The following GALNT17 variants were observed in gnomAD, a reference collection of about 807,000 sequenced individuals.
The protein encoded by GALNT17 is polypeptide N-acetylgalactosaminyltransferase 17, also known as UDP-GalNAc:polypeptide N-acetylgalactosaminyltransferase-like 3.
A neutral mutation model predicts 63.7 loss-of-function variants in GALNT17; 29 were observed. The ratio of observed to expected loss-of-function variants is 0.46; its 90% confidence interval spans 0.34 to 0.62. GALNT17 has a LOEUF of 0.62. GALNT17 is among the 20% of genes least tolerant of loss of function. GALNT17 has a pLI of 0.01. For synonymous variants in GALNT17, 305 were observed against 318.3 expected, an observed-to-expected ratio of 0.96 and a Z score of 0.45; for missense variants, 603 against 799.6, an observed-to-expected ratio of 0.75 and a Z score of 2.97.
intron 1 of GALNT17, among the ~76,000 whole-genome samples, chr7:71,191,102 G>A (rs1169207564): frequency 6.6e-6 from 1 of 152,144 alleles, no homozygotes; most frequent in Non-Finnish European, 1.5e-5. Flanking sequence ...CAGACCTTAA[G>A]TGTAGTTTGA....
At chr7:71,234,883 T>G (rs1583784946) in intron 1 of GALNT17, among the ~76,000 whole-genome samples, 1 of 152,178 alleles carries the variant, frequency 6.6e-6, no homozygotes, top group Non-Finnish European at 1.5e-5. Flanking sequence ...TGTCTCCTCC[T>G]GCATAGTGAC....
At chr7:71,377,780 G>A (rs1193895433) in intron 2 of GALNT17, among the ~76,000 whole-genome samples, 2 of 152,062 alleles carry the variant, frequency 1.3e-5, no homozygotes, top group Non-Finnish European at 2.9e-5. Flanking sequence ...GTGATATAGT[G>A]TGTGAGTTCT....
rs771158030 is a variant in GALNT17 at position 71,712,089 on chromosome 7, C to T, written c.1740C>T (p.Asp580=). ...AGAACCGGGGCCTGGCTGGCATCGA[C>T]CTCATCCTCCGCAGCTGCACAGGTC... ...EVENRGLAGI[D]LILRSCTGQR... The change falls in exon 11 of 11, where the codon GAC becomes GAT. Residue 580 remains aspartate, a synonymous_variant. Transcript: ENST00000333538. The T allele has an allele frequency of 9.3e-6, 15 of 1,614,094 alleles. No homozygotes were observed. Among genetic ancestry groups the T allele is most frequent in the Non-Finnish European group, 1.3e-5 (15 of 1,180,004 alleles).
chr7:71,488,402 CA>C (rs1787948698), intron 5 of GALNT17, among the ~76,000 whole-genome samples: 1 of 151,854 alleles, frequency 6.6e-6, no homozygotes, highest in Non-Finnish European at 1.5e-5. Flanking sequence ...ACTTCCTGGA[CA>C]AAAATCACCT....
chr7:71,404,201 G>T (rs781397171), intron 3 of GALNT17, among the ~76,000 whole-genome samples: 1 of 152,202 alleles, frequency 6.6e-6, no homozygotes, highest in Non-Finnish European at 1.5e-5. Context: ...CAGTAGAGAT[G>T]AATTTCTCAA....
rs147345144 is a variant in GALNT17, at chr7:71,299,563, G to A, written c.239-35987G>A. Reference sequence around the variant, plus strand: ...TTTTCATTCTGGAGGTATCGGACAGGTGTCTGCTGTGTGCACGTCCTGAGA... The same window carrying A: ...TTTTCATTCTGGAGGTATCGGACAGATGTCTGCTGTGTGCACGTCCTGAGA... On this transcript the variant is annotated intron_variant, in intron 1 of 10. Coordinates refer to ENST00000333538, the MANE Select transcript of GALNT17 (RefSeq NM_022479.3). 2.3e-3 allele frequency among the ~76,000 whole-genome samples: 356 copies of A among 152,260 alleles called. 1 individual carries two copies. The highest frequency in any genetic ancestry group is 4.0e-3 in the Non-Finnish European group (271 of 68,026).
At chr7:71,367,035 A>G (rs533087495) in intron 2 of GALNT17, among the ~76,000 whole-genome samples, 23 of 152,282 alleles carry the variant, frequency 1.5e-4, no homozygotes, top group African/African-American at 4.6e-4. Context: ...TGGATTTTCA[A>G]TACATTTTGT....
intron 1 of GALNT17, among the ~76,000 whole-genome samples, chr7:71,310,364 G>A (rs776666800): frequency 6.7e-4 from 102 of 152,142 alleles, no homozygotes; most frequent in Non-Finnish European, 1.2e-3. Flanking sequence ...CAATGGCATC[G>A]TCTTTGTAAA....
chr7:71,340,446 T>C (rs1451226895), intron 2 of GALNT17, among the ~76,000 whole-genome samples: 1 of 152,184 alleles, frequency 6.6e-6, no homozygotes, highest in African/African-American at 2.4e-5. Context: ...AAAAGGCTGA[T>C]AGATCTGACA....
At chr7:71,342,137 T>C (rs1792016455) in intron 2 of GALNT17, among the ~76,000 whole-genome samples, 1 of 152,172 alleles carries the variant, frequency 6.6e-6, no homozygotes, top group African/African-American at 2.4e-5. Flanking sequence ...TTTATAAATA[T>C]AAGAAGTTTA....
At chr7:71,396,094 G>C (rs567387866) in intron 3 of GALNT17, among the ~76,000 whole-genome samples, 1 of 152,046 alleles carries the variant, frequency 6.6e-6, no homozygotes, top group African/African-American at 2.4e-5. Context: ...AATGTCTTTG[G>C]ATGCACAAAA....
intron 1 of GALNT17, among the ~76,000 whole-genome samples, chr7:71,278,146 C>T (rs914690298): frequency 6.6e-6 from 1 of 152,200 alleles, no homozygotes; most frequent in African/African-American, 2.4e-5. Flanking sequence ...GTGTCAGTTA[C>T]TATGTTTCTG....
At chr7:71,482,666 A>G (rs1787842477) in intron 5 of GALNT17, among the ~76,000 whole-genome samples, 2 of 152,224 alleles carry the variant, frequency 1.3e-5, no homozygotes, top group African/African-American at 4.8e-5. Flanking sequence ...GTACCTAAGC[A>G]TACCTAAACA....
intron 5 of GALNT17, among the ~76,000 whole-genome samples, chr7:71,543,514 T>C (rs1191094656): frequency 6.6e-6 from 1 of 152,146 alleles, no homozygotes; most frequent in Non-Finnish European, 1.5e-5. Context: ...CATACAGTTA[T>C]CTCTTCATGC....
At chr7:71,212,813 T>C (rs1789406918) in intron 1 of GALNT17, among the ~76,000 whole-genome samples, 1 of 152,114 alleles carries the variant, frequency 6.6e-6, no homozygotes, top group Admixed American at 6.5e-5. Context: ...TTTGGCCAAT[T>C]TCTCCCATTT....
intron 5 of GALNT17, among the ~76,000 whole-genome samples, chr7:71,470,698 A>C (rs1351601846): frequency 6.6e-6 from 1 of 152,130 alleles, no homozygotes; most frequent in Non-Finnish European, 1.5e-5. Flanking sequence ...AGTTCTAAAA[A>C]CAAGTGACTA....
Position 71,713,274 on chromosome 7 carries a change from G to A in GALNT17, c.*1128G>A, listed in dbSNP as rs998612495. ...TGTGTGACGATGCTGACCTAGCTGT[G>A]TGGCCTTGGGCTTGCTGCTTCATTA... On this transcript the variant is annotated 3_prime_UTR_variant, in exon 11 of 11. Coordinates refer to ENST00000333538, the MANE Select transcript of GALNT17 (RefSeq NM_022479.3). 1 of 153,266 alleles carries A rather than the reference G, an allele frequency of 6.5e-6. No homozygotes were observed. The highest frequency in any genetic ancestry group is 1.5e-5 in the Non-Finnish European group (1 of 68,714). The allele number at this position is 153,266 out of a possible 1,614,324, so 9.5% of individuals were successfully genotyped here.
chr7:71,199,522 T>TCATCCATCCATCCATC (rs34691979), intron 1 of GALNT17, among the ~76,000 whole-genome samples: 1 of 142,680 alleles, frequency 7.0e-6, no homozygotes, highest in African/African-American at 2.7e-5. Flanking sequence ...CCCCATCCAT[T>TCATCCATCCATCCATC]CATCCATCCA....
At chr7:71,629,901 T>G (rs763062989) in intron 6 of GALNT17, among the ~76,000 whole-genome samples, 1 of 151,708 alleles carries the variant, frequency 6.6e-6, no homozygotes, top group Non-Finnish European at 1.5e-5. Context: ...GGATTATTAG[T>G]GTGAGCCACT....
Sources: gnomAD v4.1 joint callset for allele counts (sites outside exome capture counted in the v4.1 genomes callset) on GRCh38, gnomAD v4.1.1 for gene constraint, MANE v1.5 for transcripts, NCBI Gene and HGNC (gene_info 2026-07-23, HGNC 2026-07-21) for gene names.